Variants in RTL4 observed in about 807,000 individuals in gnomAD.
RTL4 encodes retrotransposon Gag-like protein 4.
A neutral mutation model predicts 5.3 loss-of-function variants in RTL4; 4 were observed. That is an observed-to-expected ratio of 0.75 (90% CI 0.37 to 1.72). The LOEUF (loss-of-function observed/expected upper bound fraction) is 1.72. RTL4 is among the 40% of genes most tolerant of loss of function. RTL4 has a pLI of 0.04. For missense variants in RTL4, 260 were observed against 227.1 expected (o/e 1.14, Z -0.93); for synonymous variants, 98 against 87.3 (o/e 1.12, Z -0.68).
chrX:112,422,345 G>A, the RTL4 span, among the ~76,000 whole-genome samples: 1 of 111,166 alleles, frequency 9.0e-6, no homozygotes, highest in Non-Finnish European at 1.9e-5. Flanking sequence ...ACTGCAGATG[G>A]CCACTACCAA....
chrX:112,411,556 A>G, the RTL4 span, among the ~76,000 whole-genome samples: 1 of 111,668 alleles, frequency 9.0e-6, no homozygotes, highest in Non-Finnish European at 1.9e-5. Flanking sequence ...AACATATGCA[A>G]ATCAATCAGT....
At chrX:112,308,814 C>T in the RTL4 span, among the ~76,000 whole-genome samples, 1 of 111,116 alleles carries the variant, frequency 9.0e-6, no homozygotes, top group South Asian at 3.9e-4. Context: ...TGGTTGAAAC[C>T]CCAGATGTAA....
At chrX:112,176,548 G>T in the RTL4 span, among the ~76,000 whole-genome samples, 1 of 111,026 alleles carries the variant, frequency 9.0e-6, no homozygotes, top group Admixed American at 9.6e-5. Context: ...CCAGGCACTA[G>T]ACTTCTTTTT....
chrX:112,329,027 A>G, the RTL4 span, among the ~76,000 whole-genome samples: 1 of 111,577 alleles, frequency 9.0e-6, no homozygotes, highest in Non-Finnish European at 1.9e-5. Context: ...AGGAAAATTT[A>G]TAGCACTAAA....
At chrX:112,263,087 G>T in the RTL4 span, among the ~76,000 whole-genome samples, 1 of 104,750 alleles carries the variant, frequency 9.5e-6, no homozygotes, top group Non-Finnish European at 2.0e-5. Context: ...ATAGCATTAG[G>T]AGATATACCT....
the RTL4 span, among the ~76,000 whole-genome samples, chrX:112,339,200 A>G: frequency 8.9e-6 from 1 of 112,409 alleles, no homozygotes; most frequent in Admixed American, 9.5e-5. Context: ...TGAAGACATC[A>G]GAGGCTTCAT....
the RTL4 span, among the ~76,000 whole-genome samples, chrX:112,362,528 C>G: frequency 9.0e-6 from 1 of 111,333 alleles, no homozygotes; most frequent in Non-Finnish European, 1.9e-5. Flanking sequence ...AGACTGTTTT[C>G]AGGCAGAGGG....
chrX:112,093,521 T>A, the RTL4 span, among the ~76,000 whole-genome samples: 1 of 111,887 alleles, frequency 8.9e-6, no homozygotes, highest in Non-Finnish European at 1.9e-5. Context: ...GTTTTCTTCC[T>A]TCCCCAAATA....
At chrX:112,092,251 G>T in the RTL4 span, among the ~76,000 whole-genome samples, 1 of 111,407 alleles carries the variant, frequency 9.0e-6, no homozygotes, top group East Asian at 2.8e-4. Flanking sequence ...CTGCCATGTT[G>T]CTGTCTTTGT....
At chrX:112,329,415 T>A in the RTL4 span, among the ~76,000 whole-genome samples, 7 of 111,162 alleles carry the variant, frequency 6.3e-5, no homozygotes, top group South Asian at 1.1e-3. Flanking sequence ...CTAGAAGAAA[T>A]GGATAAATTC....
chrX:112,381,532 T>C, the RTL4 span: 1 of 1,189,064 alleles, frequency 8.4e-7, no homozygotes, highest in Non-Finnish European at 1.1e-6. Context: ...CTAACAAAAC[T>C]GAAGAGTACA....
chrX:112,398,411 T>C, the RTL4 span, among the ~76,000 whole-genome samples: 18 of 96,562 alleles, frequency 1.9e-4, no homozygotes, highest in Admixed American at 5.6e-4. Flanking sequence ...TTTTTTTTTT[T>C]TTTTTTGAGA....
the RTL4 span, among the ~76,000 whole-genome samples, chrX:112,270,392 T>G: frequency 8.9e-6 from 1 of 112,206 alleles, no homozygotes; most frequent in Non-Finnish European, 1.9e-5. Context: ...AACAAATGAC[T>G]TTTGGATTAA....
the RTL4 span, among the ~76,000 whole-genome samples, chrX:112,432,056 G>A: frequency 1.1e-4 from 12 of 106,073 alleles, no homozygotes; most frequent in African/African-American, 4.1e-4. Context: ...CAAAGGACAT[G>A]AACTCATCAT....
the RTL4 span, among the ~76,000 whole-genome samples, chrX:112,431,401 T>A: frequency 8.9e-6 from 1 of 112,161 alleles, no homozygotes; most frequent in Admixed American, 9.5e-5. Flanking sequence ...GTAGAGCTCC[T>A]GGTAATAAAA....
chrX:112,208,650 G>A, the RTL4 span, among the ~76,000 whole-genome samples: 9 of 111,871 alleles, frequency 8.0e-5, no homozygotes, highest in African/African-American at 2.9e-4. Flanking sequence ...GCTAGATGAG[G>A]GAACCTTTTA....
chrX:112,394,917 T>C, the RTL4 span, among the ~76,000 whole-genome samples: 4 of 112,309 alleles, frequency 3.6e-5, no homozygotes, highest in African/African-American at 9.7e-5. Flanking sequence ...CTTAATACTT[T>C]AGTTCATCAG....
the RTL4 span, among the ~76,000 whole-genome samples, chrX:112,110,733 G>A: frequency 8.9e-6 from 1 of 111,878 alleles, no homozygotes; most frequent in South Asian, 3.8e-4. Flanking sequence ...CAGCTCTCAC[G>A]TTTGAGCAGA....
At chrX:112,401,618 C>G in the RTL4 span, among the ~76,000 whole-genome samples, 64 of 107,935 alleles carry the variant, frequency 5.9e-4, no homozygotes, top group African/African-American at 2.1e-3. Flanking sequence ...AAATTCTAGA[C>G]TTTTTTTTTA....
Sources: gnomAD v4.1 joint callset for allele counts (sites outside exome capture counted in the v4.1 genomes callset) on GRCh38, gnomAD v4.1.1 for gene constraint, MANE v1.5 for transcripts, NCBI Gene and HGNC (gene_info 2026-07-23, HGNC 2026-07-21) for gene names.